ERBB4: variants seen among roughly 807,000 people sequenced by gnomAD.
ERBB4 encodes receptor tyrosine-protein kinase erbB-4.
In ERBB4, 42 loss-of-function variants were observed where a neutral mutation model predicts 158.0. The ratio of observed to expected loss-of-function variants is 0.27; its 90% confidence interval spans 0.21 to 0.34. The LOEUF (loss-of-function observed/expected upper bound fraction) is 0.34. Among genes scored for constraint, ERBB4 ranks in the 10% least tolerant of loss-of-function variants. The pLI, the probability that ERBB4 is intolerant of heterozygous loss-of-function variation, is 1.00. For missense variants in ERBB4, 1,333 were observed against 1,624.1 expected (o/e 0.82, Z 3.08); for synonymous variants, 583 against 558.7 (o/e 1.04, Z -0.61).
At chr2:211,910,766 T>C (rs2079522905) in intron 3 of ERBB4, among the ~76,000 whole-genome samples, 1 of 152,174 alleles carries the variant, frequency 6.6e-6, no homozygotes, top group Non-Finnish European at 1.5e-5. Context: ...TGTCATTCTT[T>C]TAAATTAATT....
intron 3 of ERBB4, among the ~76,000 whole-genome samples, chr2:211,945,504 A>C (rs2080663818): frequency 7.5e-6 from 1 of 133,164 alleles, no homozygotes; most frequent in Non-Finnish European, 1.6e-5. Context: ...TTTTCTAAAC[A>C]ATCAACTCAT....
At chr2:211,427,836 ATTT>A in intron 22 of ERBB4, among the ~76,000 whole-genome samples, 1 of 145,190 alleles carries the variant, frequency 6.9e-6, no homozygotes, top group East Asian at 2.0e-4. Flanking sequence ...AAATTGGCTG[ATTT>A]TTTTTTTTTC....
chr2:211,888,673 C>T (rs1297136062), intron 3 of ERBB4, among the ~76,000 whole-genome samples: 2 of 151,964 alleles, frequency 1.3e-5, no homozygotes, highest in Admixed American at 6.5e-5. Flanking sequence ...AGACAGTGGG[C>T]GCAGGCCAGT....
chr2:211,734,958 TGAAAG>T (rs2074556806), intron 5 of ERBB4, among the ~76,000 whole-genome samples: 1 of 129,946 alleles, frequency 7.7e-6, no homozygotes, highest in African/African-American at 3.0e-5. Context: ...TGTCCTGAAA[TGAAAG>T]GATTTTAAAA....
At chr2:212,375,618 A>T (rs967749068) in intron 1 of ERBB4, among the ~76,000 whole-genome samples, 1 of 152,048 alleles carries the variant, frequency 6.6e-6, no homozygotes, top group South Asian at 2.1e-4. Flanking sequence ...TTTTCTTATA[A>T]GGGGGACTTC....
At chr2:211,724,109 T>A (rs1275232831) in intron 6 of ERBB4, among the ~76,000 whole-genome samples, 1 of 152,188 alleles carries the variant, frequency 6.6e-6, no homozygotes, top group Non-Finnish European at 1.5e-5. Flanking sequence ...CTACGTCTGA[T>A]GAAAGACAGA....
chr2:212,322,722 C>T (rs1033046895), intron 1 of ERBB4, among the ~76,000 whole-genome samples: 11 of 150,260 alleles, frequency 7.3e-5, no homozygotes, highest in East Asian at 5.9e-4. Context: ...TGGAATTCTA[C>T]GAGGAACTCA....
Position 212,374,092 on chromosome 2 carries a change from A to C in ERBB4, c.82+164357T>G, listed in dbSNP as rs913123092. The stretch of plus-strand genomic sequence containing the variant: ...TCCATATATATATCCATATATATCC[A>C]TATATATATATACACACACATATAT... On this transcript the variant is annotated intron_variant, in intron 1 of 27. Transcript: ENST00000342788. 3.0e-5 allele frequency among the ~76,000 whole-genome samples: 3 copies of C among 99,286 alleles called. 1 individual carries two copies. The highest frequency in any genetic ancestry group is 9.4e-5 in the African/African-American group (3 of 31,892). The allele number at this position is 99,286 out of a possible 152,430, so 65.1% of individuals were successfully genotyped here.
rs528210549 is a variant in ERBB4, at chr2:211,929,545, A to G, written c.421+17885T>C. Among the ~76,000 whole-genome samples, 3 of 152,232 alleles carry G rather than the reference A, an allele frequency of 2.0e-5. No homozygotes were observed. The East Asian group carries it at 5.8e-4, about 29-fold the overall frequency. On this transcript the variant is annotated intron_variant, in intron 3 of 27. Transcript: ENST00000342788. ...CCTGTGGGCACATTTCCCATGACAC[A>G]CACCATGTTTCAGTGCCATGTTGAT...
At chr2:211,699,053 T>C (rs2073132242) in intron 12 of ERBB4, among the ~76,000 whole-genome samples, 2 of 152,214 alleles carry the variant, frequency 1.3e-5, no homozygotes, top group Admixed American at 1.3e-4. Flanking sequence ...ATTACTGTTT[T>C]AAATCATGCT....
chr2:211,647,138 G>A (rs1351837940), intron 16 of ERBB4, among the ~76,000 whole-genome samples: 1 of 151,434 alleles, frequency 6.6e-6, no homozygotes, highest in Non-Finnish European at 1.5e-5. Context: ...TAATGAAGGA[G>A]GGAGACTTCT....
At chr2:212,489,993 G>C (rs1690183897) in intron 1 of ERBB4, among the ~76,000 whole-genome samples, 1 of 151,680 alleles carries the variant, frequency 6.6e-6, no homozygotes, top group African/African-American at 2.4e-5. Context: ...TATGTTCTAA[G>C]AATATTGAAC....
At chr2:211,638,517 A>G (rs2070445955) in intron 16 of ERBB4, among the ~76,000 whole-genome samples, 1 of 152,168 alleles carries the variant, frequency 6.6e-6, no homozygotes, top group African/African-American at 2.4e-5. Flanking sequence ...GGGTATTACA[A>G]TAGGTCTCTG....
intron 19 of ERBB4, among the ~76,000 whole-genome samples, chr2:211,575,438 T>C (rs2067860686): frequency 6.6e-6 from 1 of 152,198 alleles, no homozygotes; most frequent in Non-Finnish European, 1.5e-5. Flanking sequence ...AATGTGAATC[T>C]AAAAGTGCTG....
At position 211,702,093 on chromosome 2, in the gene ERBB4, C is replaced by A. The variant is rs762866612; in HGVS notation, c.1363G>T (p.Ala455Ser). The change falls in exon 12 of 28, where the codon GCA becomes TCA. Residue 455 changes from alanine (A) to serine (S), a missense_variant. Around this residue, in one of 5 missense-constraint regions of ERBB4, gnomAD observed 438 missense variants for 586.9 expected, o/e 0.75. Transcript: ENST00000342788. ...TTGTCAGTAATATAGATGTTTCCTG[C>A]GCTGATTTCCTTCAGGGACTGGAAC... ...LQFQSLKEIS[A>S]GNIYITDNSN... 1 of 1,613,914 alleles carries A rather than the reference C, an allele frequency of 6.2e-7. No homozygotes were observed. Among genetic ancestry groups the A allele is most frequent in the Non-Finnish European group, 8.5e-7 (1 of 1,179,878 alleles).
chr2:212,227,244 CAAAA>C (rs57150566), intron 1 of ERBB4, among the ~76,000 whole-genome samples: 54,545 of 137,146 alleles, frequency 0.4, 11,819 homozygotes, highest in East Asian at 0.77. Context: ...GACTCCACCT[CAAAA>C]AAAAAAAAAA....
intron 1 of ERBB4, among the ~76,000 whole-genome samples, chr2:212,132,200 A>G (rs1340771755): frequency 6.6e-6 from 1 of 152,182 alleles, no homozygotes; most frequent in African/African-American, 2.4e-5. Flanking sequence ...ATTTTTGGTT[A>G]TAGGCATAAT....
At chr2:211,582,742 A>C (rs1388050954) in intron 19 of ERBB4, among the ~76,000 whole-genome samples, 1 of 152,192 alleles carries the variant, frequency 6.6e-6, no homozygotes, top group East Asian at 1.9e-4. Flanking sequence ...TATTTAACTG[A>C]AATGTCTATA....
chr2:211,383,558 G>A lies in ERBB4; in HGVS notation c.*57C>T, dbSNP rs149423647. Reference sequence around the variant, plus strand: ...GAAGGAAGACCACCAGAGAAAGAGAGGGGGGTGGGGAAATTGGAGCAGGTG... The same window carrying A: ...GAAGGAAGACCACCAGAGAAAGAGAAGGGGGTGGGGAAATTGGAGCAGGTG... On this transcript the variant is annotated 3_prime_UTR_variant, in exon 28 of 28. Transcript: ENST00000342788. 2 of 1,420,916 alleles carry A rather than the reference G, an allele frequency of 1.4e-6. No individual in the cohort carries two copies. Among genetic ancestry groups the A allele is most frequent in the Non-Finnish European group, 2.0e-6 (2 of 1,007,090 alleles). The allele number at this position is 1,420,916 out of a possible 1,614,324, so 88.0% of individuals were successfully genotyped here.
Sources: allele counts gnomAD v4.1 joint callset (sites outside exome capture counted in the v4.1 genomes callset), GRCh38; gene constraint gnomAD v4.1.1; regional missense constraint gnomAD v4.1.1; transcripts MANE v1.5; gene names NCBI Gene and HGNC (gene_info 2026-07-23, HGNC 2026-07-21).